Variants in ARHGAP15 observed in about 807,000 individuals in gnomAD.
ARHGAP15 encodes the protein Rho GTPase activating protein 15.
Under a neutral mutation model 63.7 loss-of-function variants are expected in ARHGAP15, and 51 were observed. The observed-to-expected ratio is 0.80, with a 90% CI of 0.64 to 1.01. The LOEUF (loss-of-function observed/expected upper bound fraction) is 1.01. ARHGAP15 is among the 50% of genes least tolerant of loss of function. ARHGAP15 has a pLI of 0.00. For synonymous variants in ARHGAP15, 191 were observed against 193.8 expected, an observed-to-expected ratio of 0.99 and a Z score of 0.12; for missense variants, 560 against 564.6, an observed-to-expected ratio of 0.99 and a Z score of 0.08.
At chr2:143,387,274 T>C (rs1336401231) in intron 6 of ARHGAP15, among the ~76,000 whole-genome samples, 1 of 152,162 alleles carries the variant, frequency 6.6e-6, no homozygotes, top group Non-Finnish European at 1.5e-5. Flanking sequence ...TTGATGAATG[T>C]TGAATGAAAG....
chr2:143,449,055 A>G (rs1690276467), intron 8 of ARHGAP15, among the ~76,000 whole-genome samples: 1 of 152,036 alleles, frequency 6.6e-6, no homozygotes, highest in Non-Finnish European at 1.5e-5. Flanking sequence ...AATGGTGGCT[A>G]TTTAATCTCA....
chr2:143,759,594 C>T (rs1686691021), intron 13 of ARHGAP15, among the ~76,000 whole-genome samples: 1 of 152,136 alleles, frequency 6.6e-6, no homozygotes, highest in Admixed American at 6.5e-5. Flanking sequence ...TAAGTCCCTC[C>T]GCAGCATTTC....
At chr2:143,410,596 T>C (rs915501362) in intron 6 of ARHGAP15, among the ~76,000 whole-genome samples, 3 of 152,142 alleles carry the variant, frequency 2.0e-5, no homozygotes, top group Non-Finnish European at 2.9e-5. Flanking sequence ...TACTGAGAAA[T>C]AGCAGTTAAC....
chr2:143,447,573 G>T (rs905138740), intron 8 of ARHGAP15, among the ~76,000 whole-genome samples: 1 of 152,074 alleles, frequency 6.6e-6, no homozygotes, highest in Non-Finnish European at 1.5e-5. Context: ...CTTAAACCAG[G>T]ACCACTCTAT....
intron 1 of ARHGAP15, among the ~76,000 whole-genome samples, chr2:143,139,278 T>C (rs1689267656): frequency 6.6e-6 from 1 of 152,154 alleles, no homozygotes; most frequent in Non-Finnish European, 1.5e-5. Context: ...TTAAGGGACA[T>C]GATATCATCC....
chr2:143,179,874 A>G (rs577365820), intron 2 of ARHGAP15, among the ~76,000 whole-genome samples: 1 of 145,638 alleles, frequency 6.9e-6, no homozygotes, highest in Non-Finnish European at 1.5e-5. Flanking sequence ...CCTGGGAGAT[A>G]AAGTGAGACA....
intron 6 of ARHGAP15, among the ~76,000 whole-genome samples, chr2:143,379,487 A>ATATATGTGTGTGTGTGTG (rs1202571594): frequency 1.2e-4 from 15 of 129,842 alleles, no homozygotes; most frequent in African/African-American, 3.5e-4. Context: ...AGGCATATAT[A>ATATATGTGTGTGTGTGTG]TGTGTGTGTG....
At chr2:143,465,124 T>C (rs976182104) in intron 8 of ARHGAP15, among the ~76,000 whole-genome samples, 1 of 152,182 alleles carries the variant, frequency 6.6e-6, no homozygotes, top group Non-Finnish European at 1.5e-5. Context: ...TCCTTAGGTC[T>C]CCTTAACCTC....
At chr2:143,248,356 A>AC (rs1481456582) in intron 5 of ARHGAP15, among the ~76,000 whole-genome samples, 3 of 152,230 alleles carry the variant, frequency 2.0e-5, no homozygotes, top group African/African-American at 7.2e-5. Flanking sequence ...ACAGAGAAGG[A>AC]CAAAAACAAG....
At chr2:143,576,748 TTTAC>T (rs1418785428) in intron 11 of ARHGAP15, among the ~76,000 whole-genome samples, 2 of 152,082 alleles carry the variant, frequency 1.3e-5, no homozygotes, top group African/African-American at 4.8e-5. Context: ...AAAGTCACAT[TTTAC>T]TTAACAATTT....
At chr2:143,560,622 C>G (rs549525648) in intron 11 of ARHGAP15, among the ~76,000 whole-genome samples, 1 of 152,326 alleles carries the variant, frequency 6.6e-6, no homozygotes, top group East Asian at 1.9e-4. Context: ...TCATTCATGA[C>G]TTTCCTTTAC....
chr2:143,494,694 C>G (rs917649706), intron 9 of ARHGAP15, among the ~76,000 whole-genome samples: 4 of 152,144 alleles, frequency 2.6e-5, no homozygotes, highest in Admixed American at 2.0e-4. Flanking sequence ...GTTGTCCACT[C>G]TTATTAAAGA....
chr2:143,452,259 T>C (rs189706986), intron 8 of ARHGAP15, among the ~76,000 whole-genome samples: 77 of 152,114 alleles, frequency 5.1e-4, no homozygotes, highest in Non-Finnish European at 8.4e-4. Flanking sequence ...AACTCCTAAA[T>C]TACCCTAAAT....
intron 6 of ARHGAP15, among the ~76,000 whole-genome samples, chr2:143,379,487 ATGTGTGTG>A (rs58976215): frequency 0.011 from 1,472 of 129,838 alleles, 29 homozygotes; most frequent in African/African-American, 0.038. Flanking sequence ...AGGCATATAT[ATGTGTGTG>A]TGTGTGTGTG....
At chr2:143,395,346 A>G (rs577933629) in intron 6 of ARHGAP15, among the ~76,000 whole-genome samples, 1 of 152,204 alleles carries the variant, frequency 6.6e-6, no homozygotes, top group Admixed American at 6.6e-5. Flanking sequence ...CCCCTCTTAT[A>G]TTTCTGACCT....
chr2:143,291,802 CCTT>C (rs1682413476), intron 6 of ARHGAP15, among the ~76,000 whole-genome samples: 1 of 152,066 alleles, frequency 6.6e-6, no homozygotes, highest in African/African-American at 2.4e-5. Flanking sequence ...TCATTGCCCA[CCTT>C]CTCTTCACCA....
In ARHGAP15 at chr2:143,301,521, A is replaced by T. The variant is rs565033285; in HGVS notation, c.474+50921A>T. On this transcript the variant is annotated intron_variant, in intron 6 of 13. Coordinates refer to ENST00000295095, the MANE Select transcript of ARHGAP15 (RefSeq NM_018460.4). ...TATGATTACTTGATAGATGGTCAAG[A>T]TACACATATTGCCACCATTGTCTCT... is the stretch of plus-strand genomic sequence containing the variant. Among the ~76,000 whole-genome samples, 6 of 152,106 alleles carry T rather than the reference A, an allele frequency of 3.9e-5. No individual in the cohort carries two copies. In the South Asian group the frequency reaches 1.2e-3, roughly 32 times the overall value.
chr2:143,519,417 C>T, intron 10 of ARHGAP15, 53 bp downstream of exon 10: 1 of 1,444,414 alleles, frequency 6.9e-7, no homozygotes, highest in South Asian at 1.2e-5. Flanking sequence ...CTCTACACAA[C>T]CAATACTCAA....
At chr2:143,465,462 G>A (rs1005839253) in intron 8 of ARHGAP15, among the ~76,000 whole-genome samples, 1 of 152,082 alleles carries the variant, frequency 6.6e-6, no homozygotes, top group Non-Finnish European at 1.5e-5. Context: ...TACATATATG[G>A]GCTATTGAAA....
Sources: allele counts gnomAD v4.1 joint callset (sites outside exome capture counted in the v4.1 genomes callset), GRCh38; gene constraint gnomAD v4.1.1; transcripts MANE v1.5; gene names NCBI Gene and HGNC (gene_info 2026-07-23, HGNC 2026-07-21).